The following ZSWIM6 variants were observed in gnomAD, a reference collection of about 807,000 sequenced individuals.
The protein encoded by ZSWIM6 is zinc finger SWIM domain-containing protein 6.
Under a neutral mutation model 113.2 loss-of-function variants are expected in ZSWIM6, and 9 were observed. The observed-to-expected ratio is 0.08, with a 90% CI of 0.05 to 0.14. The LOEUF (loss-of-function observed/expected upper bound fraction) is 0.14. ZSWIM6 is among the 10% of genes least tolerant of loss of function. The pLI, the probability that ZSWIM6 is intolerant of heterozygous loss-of-function variation, is 1.00. For missense variants in ZSWIM6, 1,162 were observed against 1,552.2 expected (o/e 0.75, Z 4.22); for synonymous variants, 611 against 606.5 (o/e 1.01, Z -0.11).
intron 1 of ZSWIM6, among the ~76,000 whole-genome samples, chr5:61,364,161 C>T (rs916366579): frequency 6.6e-6 from 1 of 152,098 alleles, no homozygotes; most frequent in African/African-American, 2.4e-5. Context: ...CCTCCCACCT[C>T]CGCCTCCTGA....
chr5:61,380,584 G>A (rs564918138), intron 1 of ZSWIM6, among the ~76,000 whole-genome samples: 1 of 152,186 alleles, frequency 6.6e-6, no homozygotes, highest in African/African-American at 2.4e-5. Flanking sequence ...TCCTTTCTGT[G>A]TGTCAAGTCA....
At chr5:61,344,280 C>T (rs1246619160) in intron 1 of ZSWIM6, among the ~76,000 whole-genome samples, 1 of 152,130 alleles carries the variant, frequency 6.6e-6, no homozygotes, top group African/African-American at 2.4e-5. Context: ...GTCTGATATA[C>T]GTTCAGCCCA....
intron 1 of ZSWIM6, among the ~76,000 whole-genome samples, chr5:61,447,469 T>C (rs1295997664): frequency 1.3e-5 from 2 of 152,108 alleles, no homozygotes; most frequent in Non-Finnish European, 2.9e-5. Flanking sequence ...CAGAATTTCT[T>C]AGAGGAGCAA....
At chr5:61,396,529 CAAAAA>C (rs60743291) in intron 1 of ZSWIM6, among the ~76,000 whole-genome samples, 1 of 69,790 alleles carries the variant, frequency 1.4e-5, no homozygotes. Flanking sequence ...GACTCTGTCT[CAAAAA>C]AAAAAAAAAA....
In ZSWIM6 at chr5:61,332,551, C is replaced by T. The variant is rs1470191789; in HGVS notation, c.279C>T (p.Arg93=). Residue 93 remains arginine, a synonymous_variant, in exon 1 of 14, where the codon CGC becomes CGT. Transcript: ENST00000252744. ...RRVAEKWPFQ[R]VEERFERIPE... Reference sequence around the variant, plus strand: ...TGGCGGAGAAGTGGCCGTTCCAGCGCGTGGAGGAGCGCTTTGAGCGCATCC... The same window carrying T: ...TGGCGGAGAAGTGGCCGTTCCAGCGTGTGGAGGAGCGCTTTGAGCGCATCC... 5 of 1,358,058 alleles carry T rather than the reference C, an allele frequency of 3.7e-6. No homozygotes were observed. The highest frequency in any genetic ancestry group is 3.9e-6 in the Non-Finnish European group (4 of 1,028,130). The allele number at this position is 1,358,058 out of a possible 1,614,324, so 84.1% of individuals were successfully genotyped here.
intron 1 of ZSWIM6, among the ~76,000 whole-genome samples, chr5:61,470,806 G>C (rs1465010379): frequency 6.6e-6 from 1 of 152,182 alleles, no homozygotes; most frequent in Admixed American, 6.5e-5. Flanking sequence ...ATTGGATAAA[G>C]ATTATTGCAG....
At chr5:61,516,558 A>G (rs1424976603) in intron 4 of ZSWIM6, among the ~76,000 whole-genome samples, 1 of 148,294 alleles carries the variant, frequency 6.7e-6, no homozygotes, top group Non-Finnish European at 1.5e-5. Context: ...TAGTTTATAG[A>G]TACAGTTTTT....
intron 1 of ZSWIM6, among the ~76,000 whole-genome samples, chr5:61,458,524 T>C (rs530710852): frequency 2.0e-5 from 3 of 152,272 alleles, no homozygotes; most frequent in African/African-American, 7.2e-5. Flanking sequence ...CCTCCCAACC[T>C]TCTGAAAAAG....
intron 1 of ZSWIM6, among the ~76,000 whole-genome samples, chr5:61,351,311 T>C (rs1298224789): frequency 6.6e-6 from 1 of 152,220 alleles, no homozygotes; most frequent in Non-Finnish European, 1.5e-5. Flanking sequence ...ATGTGTAGAA[T>C]GGACAGTTGT....
chr5:61,529,622 T>G (rs753621438), intron 7 of ZSWIM6, among the ~76,000 whole-genome samples: 7 of 152,250 alleles, frequency 4.6e-5, no homozygotes, highest in Middle Eastern at 3.2e-3. Context: ...GAGTTACCAA[T>G]TGATAATTCC....
At chr5:61,540,036 T>A (rs1749688081) in intron 12 of ZSWIM6, among the ~76,000 whole-genome samples, 1 of 152,224 alleles carries the variant, frequency 6.6e-6, no homozygotes, top group Admixed American at 6.5e-5. Flanking sequence ...AACGACACTG[T>A]TTCTCCTTTG....
intron 1 of ZSWIM6, among the ~76,000 whole-genome samples, chr5:61,430,805 A>C (rs1279684289): frequency 6.6e-6 from 1 of 152,230 alleles, no homozygotes; most frequent in African/African-American, 2.4e-5. Context: ...AGATACCTTG[A>C]TCATTCCAAT....
In ZSWIM6 at chr5:61,505,663, C is replaced by T. The variant is rs1387382856; in HGVS notation, c.1333+11253C>T. 1.4e-4 allele frequency among the ~76,000 whole-genome samples: 14 copies of T among 103,134 alleles called. 1 individual carries two copies. Among genetic ancestry groups the T allele is most frequent in the African/African-American group, 2.0e-4 (5 of 24,404 alleles). The allele number at this position is 103,134 out of a possible 152,430, so 67.7% of individuals were successfully genotyped here. A position where few individuals can be genotyped will look rare whatever the true frequency, so the allele number is the denominator to read the frequency against. The stretch of plus-strand genomic sequence containing the variant: ...CCTTCCTTCCTTCCTTCCTTCCTTC[C>T]TTCCTTCCTTCTTTCCTTGCCTCCC... On this transcript the variant is annotated intron_variant, in intron 4 of 13. Coordinates refer to ENST00000252744, the MANE Select transcript of ZSWIM6 (RefSeq NM_020928.2).
chr5:61,431,198 T>C (rs1248030262), intron 1 of ZSWIM6, among the ~76,000 whole-genome samples: 1 of 151,592 alleles, frequency 6.6e-6, no homozygotes, highest in African/African-American at 2.4e-5. Flanking sequence ...GATGAAACCC[T>C]GTCTCTACTA....
At chr5:61,453,378 CTT>C (rs60097146) in intron 1 of ZSWIM6, among the ~76,000 whole-genome samples, 9 of 135,852 alleles carry the variant, frequency 6.6e-5, no homozygotes, top group African/African-American at 1.1e-4. Flanking sequence ...CTCTCTCTCT[CTT>C]TTTTTTTTTT....
chr5:61,515,997 G>GT (rs1208821523), intron 4 of ZSWIM6, among the ~76,000 whole-genome samples: 4 of 151,716 alleles, frequency 2.6e-5, no homozygotes, highest in Admixed American at 2.6e-4. Flanking sequence ...ATTTTATAGT[G>GT]TTTTTTCATG....
chr5:61,391,254 A>C (rs898288448), intron 1 of ZSWIM6: 1 of 898,590 alleles, frequency 1.1e-6, no homozygotes, highest in African/African-American at 1.6e-5. Context: ...CTTGGTTCAC[A>C]GGTACCTGCT....
intron 7 of ZSWIM6, among the ~76,000 whole-genome samples, chr5:61,528,851 G>C (rs1749355618): frequency 6.6e-6 from 1 of 152,180 alleles, no homozygotes; most frequent in Admixed American, 6.5e-5. Flanking sequence ...GCATCCCAGA[G>C]TGCTGAGATT....
At chr5:61,423,862 G>T (rs1195688545) in intron 1 of ZSWIM6, among the ~76,000 whole-genome samples, 3 of 152,150 alleles carry the variant, frequency 2.0e-5, no homozygotes, top group African/African-American at 7.2e-5. Context: ...CCCCATGCAA[G>T]AATTTCGATA....
Sources: allele counts gnomAD v4.1 joint callset (sites outside exome capture counted in the v4.1 genomes callset), GRCh38; gene constraint gnomAD v4.1.1; transcripts MANE v1.5; gene names NCBI Gene and HGNC (gene_info 2026-07-23, HGNC 2026-07-21).